PCDH15: variants seen among roughly 807,000 people sequenced by gnomAD.
PCDH15 encodes the protein protocadherin related 15.
Under a neutral mutation model 178.5 loss-of-function variants are expected in PCDH15, and 129 were observed. The ratio of observed to expected loss-of-function variants is 0.72; its 90% CI spans 0.63 to 0.84. PCDH15 has a LOEUF of 0.84. Among genes scored for constraint, PCDH15 ranks in the 40% least tolerant of loss-of-function variants. The pLI is 0.00. For missense variants in PCDH15, 2,230 were observed against 2,099.9 expected (o/e 1.06, Z -1.21); for synonymous variants, 800 against 732.0 (o/e 1.09, Z -1.50).
At chr10:55,390,198 C>T (rs998972657) in intron 2 of PCDH15, among the ~76,000 whole-genome samples, 5 of 151,742 alleles carry the variant, frequency 3.3e-5, no homozygotes, top group Admixed American at 6.6e-5. Context: ...TATATAATAG[C>T]GTTATGTCTA....
chr10:54,126,806 T>C (rs930409087), intron 15 of PCDH15, among the ~76,000 whole-genome samples: 6 of 152,110 alleles, frequency 3.9e-5, no homozygotes, highest in Non-Finnish European at 5.9e-5. Context: ...GTAGGTTTTG[T>C]GGTTCACATA....
intron 1 of PCDH15, among the ~76,000 whole-genome samples, chr10:55,178,655 T>C (rs574627331): frequency 6.6e-6 from 1 of 152,278 alleles, no homozygotes; most frequent in African/African-American, 2.4e-5. Context: ...CTTATGGAAT[T>C]ATCTCTGTTG....
chr10:54,045,235 G>T (rs2093631896), intron 18 of PCDH15, among the ~76,000 whole-genome samples: 1 of 152,030 alleles, frequency 6.6e-6, no homozygotes, highest in Non-Finnish European at 1.5e-5. Context: ...AACCCATTTG[G>T]GAAAGGCATA....
intron 3 of PCDH15, among the ~76,000 whole-genome samples, chr10:54,525,690 C>G (rs2083298470): frequency 6.6e-6 from 1 of 152,146 alleles, no homozygotes; most frequent in Non-Finnish European, 1.5e-5. Flanking sequence ...AACTCCCGAG[C>G]TCTAGCAATC....
chr10:54,641,803 A>G (rs932623521), intron 2 of PCDH15, among the ~76,000 whole-genome samples: 13 of 152,032 alleles, frequency 8.6e-5, no homozygotes, highest in Admixed American at 3.3e-4. Context: ...ATAGCGAGTG[A>G]TCTGTTTTAG....
rs181745686 is a variant in PCDH15, at chr10:54,093,127, T to C, written c.1918-3064A>G. Among the ~76,000 whole-genome samples the C allele has an allele frequency of 8.3e-4, 127 of 152,202 alleles. 3 individuals carry two copies. Among genetic ancestry groups the C allele is most frequent in the African/African-American group, 2.7e-3 (112 of 41,554 alleles). On this transcript the variant is annotated intron_variant, in intron 15 of 37. Coordinates refer to ENST00000644397, the MANE Select transcript of PCDH15 (RefSeq NM_001384140.1). The stretch of plus-strand genomic sequence containing the variant: ...TGTTAATTCCTTTCAATCCCAGAGG[T>C]AGCTTGAAATATTTCTTCAGTTTTA...
intron 1 of PCDH15, among the ~76,000 whole-genome samples, chr10:54,722,093 T>C (rs887648471): frequency 1.3e-5 from 2 of 151,730 alleles, no homozygotes; most frequent in Non-Finnish European, 2.9e-5. Flanking sequence ...GTTTACCACA[T>C]AAAGAGAACT....
chr10:54,774,894 T>C (rs867258838), intron 1 of PCDH15, among the ~76,000 whole-genome samples: 8 of 151,776 alleles, frequency 5.3e-5, no homozygotes, highest in Non-Finnish European at 1.2e-4. Flanking sequence ...TTGAAGATAA[T>C]CTATTTAATA....
At chr10:53,818,730 G>A (rs1035945370) in intron 33 of PCDH15, among the ~76,000 whole-genome samples, 2 of 152,024 alleles carry the variant, frequency 1.3e-5, no homozygotes, top group Non-Finnish European at 1.5e-5. Context: ...TGTTCTATGT[G>A]TTATTTTTTA....
At chr10:55,349,367 A>AT (rs1844849415) in intron 2 of PCDH15, among the ~76,000 whole-genome samples, 1 of 152,058 alleles carries the variant, frequency 6.6e-6, no homozygotes, top group African/African-American at 2.4e-5. Flanking sequence ...GTTTTCATGT[A>AT]TTTTTTCATT....
intron 3 of PCDH15, among the ~76,000 whole-genome samples, chr10:54,427,171 C>T (rs554026571): frequency 6.7e-6 from 1 of 150,306 alleles, no homozygotes; most frequent in East Asian, 2.0e-4. Context: ...CCACAGCTAT[C>T]AAGTTTGTTT....
intron 3 of PCDH15, among the ~76,000 whole-genome samples, chr10:54,416,911 T>C (rs748132812): frequency 1.3e-5 from 2 of 152,222 alleles, no homozygotes; most frequent in Non-Finnish European, 2.9e-5. Context: ...GTTGGCCATG[T>C]AGATGTCATC....
At chr10:54,103,865 T>C (rs2094858645) in intron 15 of PCDH15, among the ~76,000 whole-genome samples, 1 of 152,168 alleles carries the variant, frequency 6.6e-6, no homozygotes, top group Non-Finnish European at 1.5e-5. Flanking sequence ...CATTATCCCA[T>C]ACCCATAATA....
intron 3 of PCDH15, among the ~76,000 whole-genome samples, chr10:54,456,269 A>G (rs986276507): frequency 6.6e-5 from 10 of 152,192 alleles, no homozygotes; most frequent in Non-Finnish European, 1.5e-4. Flanking sequence ...CATACCCTGC[A>G]AAGCCACAGG....
At chr10:54,343,734 A>C (rs1367003769) in intron 6 of PCDH15, among the ~76,000 whole-genome samples, 1 of 152,066 alleles carries the variant, frequency 6.6e-6, no homozygotes, top group Non-Finnish European at 1.5e-5. Flanking sequence ...AACATGGCAC[A>C]TGTATACATA....
chr10:54,981,026 T>C (rs1477700051), intron 2 of PCDH15, among the ~76,000 whole-genome samples: 1 of 150,900 alleles, frequency 6.6e-6, no homozygotes, highest in East Asian at 2.0e-4. Context: ...TTTCCATCCA[T>C]CAAAGTTAAA....
chr10:54,113,660 G>A (rs866962129), intron 15 of PCDH15, among the ~76,000 whole-genome samples: 35 of 127,848 alleles, frequency 2.7e-4, no homozygotes, highest in Non-Finnish European at 4.1e-4. Context: ...ACACACACAC[G>A]CACATCTTAA....
chr10:54,604,949 T>A (rs1435350520), intron 2 of PCDH15, among the ~76,000 whole-genome samples: 5 of 151,788 alleles, frequency 3.3e-5, no homozygotes, highest in Non-Finnish European at 7.4e-5. Flanking sequence ...CTATGGCTAT[T>A]TTCTGTGTGA....
chr10:53,874,559 G>C (rs917057723), intron 26 of PCDH15, among the ~76,000 whole-genome samples: 3 of 152,152 alleles, frequency 2.0e-5, no homozygotes, highest in Non-Finnish European at 2.9e-5. Context: ...GAGAATTTAA[G>C]AGAAATCATC....
Sources: allele counts gnomAD v4.1 joint callset (sites outside exome capture counted in the v4.1 genomes callset), GRCh38; gene constraint gnomAD v4.1.1; transcripts MANE v1.5; gene names NCBI Gene and HGNC (gene_info 2026-07-23, HGNC 2026-07-21).